Variants in INVS observed in about 807,000 individuals in gnomAD.
The protein encoded by INVS is inversion of embryo turning homolog.
Under a neutral mutation model 108.8 loss-of-function variants are expected in INVS, and 86 were observed. That is an observed-to-expected ratio of 0.79 (90% CI 0.66 to 0.95). The LOEUF (loss-of-function observed/expected upper bound fraction) is 0.95, where lower values mean the gene tolerates loss of function less well. Among genes scored for constraint, INVS ranks in the 40% least tolerant of loss-of-function variants. The pLI is 0.00. For missense variants in INVS, 1,169 were observed against 1,297.4 expected (o/e 0.90, Z 1.52); for synonymous variants, 455 against 473.5 (o/e 0.96, Z 0.51).
rs775757268 is a variant in INVS at position 100,284,617 on chromosome 9, C to T, written c.2068+14C>T. The T allele has an allele frequency of 6.2e-7, 1 of 1,611,204 alleles. No homozygotes were observed. The highest frequency in any genetic ancestry group is 1.3e-5 in the African/African-American group (1 of 74,996). On this transcript the variant is annotated intron_variant, in intron 13 of 16. Transcript: ENST00000262457. ...GAAGGCCAAATGGTAGGTGTATTGC[C>T]TTTGTCATCTTCTGCCGGCCCATGG...
chr9:100,301,439 G>C lies in INVS; in HGVS notation c.*765G>C, dbSNP rs966244658. Among the ~76,000 whole-genome samples, 1 of 152,164 alleles carries C rather than the reference G, an allele frequency of 6.6e-6. No homozygotes were observed. On this transcript the variant is annotated 3_prime_UTR_variant, in exon 17 of 17. Coordinates refer to ENST00000262457, the MANE Select transcript of INVS (RefSeq NM_014425.5). The stretch of plus-strand genomic sequence containing the variant: ...TCAGGTAGGGTTTACAGACCAGACT[G>C]TTCATGCAGCAAGGTGCTAACTCAG...
At chr9:100,124,532 A>G (rs1827824950) in intron 2 of INVS, among the ~76,000 whole-genome samples, 1 of 147,290 alleles carries the variant, frequency 6.8e-6, no homozygotes, top group Admixed American at 6.7e-5. Flanking sequence ...TGGGCAACAC[A>G]GTGAGACCCT....
At chr9:100,113,345 T>A (rs551555644) in intron 2 of INVS, among the ~76,000 whole-genome samples, 1 of 152,268 alleles carries the variant, frequency 6.6e-6, no homozygotes, top group African/African-American at 2.4e-5. Context: ...CCTCTAGGAG[T>A]TACACACAAC....
At chr9:100,184,323 G>T (rs1829991553) in intron 3 of INVS, among the ~76,000 whole-genome samples, 1 of 152,080 alleles carries the variant, frequency 6.6e-6, no homozygotes. Flanking sequence ...CAAAGTTATT[G>T]GATGTAGTTG....
chr9:100,152,378 T>C (rs190766351), intron 3 of INVS, among the ~76,000 whole-genome samples: 2 of 152,322 alleles, frequency 1.3e-5, no homozygotes, highest in Non-Finnish European at 2.9e-5. Context: ...TCACCAAGAT[T>C]CTCATCCTAA....
chr9:100,107,498 A>G (rs1258377501), intron 2 of INVS, among the ~76,000 whole-genome samples: 1 of 151,970 alleles, frequency 6.6e-6, no homozygotes, highest in Non-Finnish European at 1.5e-5. Flanking sequence ...CTCACGTTTT[A>G]CCTCACGTGG....
At chr9:100,177,957 A>C (rs1829768869) in intron 3 of INVS, among the ~76,000 whole-genome samples, 1 of 152,242 alleles carries the variant, frequency 6.6e-6, no homozygotes, top group Non-Finnish European at 1.5e-5. Context: ...GCTGTTCTGC[A>C]GTCTTTGCTG....
At chr9:100,293,570 T>A (rs1428002113) in intron 14 of INVS, among the ~76,000 whole-genome samples, 1 of 152,216 alleles carries the variant, frequency 6.6e-6, no homozygotes, top group African/African-American at 2.4e-5. Context: ...AGGGTCTGGA[T>A]ATAACAGATT....
In INVS at chr9:100,208,179, A is replaced by G. The variant is rs535732339; in HGVS notation, c.274-17883A>G. Among the ~76,000 whole-genome samples the G allele has an allele frequency of 3.3e-5, 5 of 152,356 alleles. No individual in the cohort carries two copies. The South Asian group carries it at 1.0e-3, about 32-fold the overall frequency. On this transcript the variant is annotated intron_variant, in intron 3 of 16. Transcript: ENST00000262457. ...GTGGCAGACAGATGAAGAGCAGTAT[A>G]GAGTTCAGGGATTGACTTGCAGATG...
intron 16 of INVS, among the ~76,000 whole-genome samples, chr9:100,299,555 AACACACACACACACACACAC>A (rs55800849): frequency 1.6e-5 from 2 of 125,640 alleles, no homozygotes; most frequent in East Asian, 2.0e-4. Context: ...ATTGACACAC[AACACACACACACACACACAC>A]ACACACACAC....
At chr9:100,171,808 CTCT>C (rs1163695673) in intron 3 of INVS, among the ~76,000 whole-genome samples, 3 of 152,216 alleles carry the variant, frequency 2.0e-5, no homozygotes, top group African/African-American at 7.2e-5. Context: ...TCTTTCTTTT[CTCT>C]GATGTATATC....
At chr9:100,237,472 T>C (rs1339141416) in intron 5 of INVS, among the ~76,000 whole-genome samples, 1 of 152,150 alleles carries the variant, frequency 6.6e-6, no homozygotes, top group Non-Finnish European at 1.5e-5. Context: ...GCTTGAAACC[T>C]AGGGCCCTGG....
chr9:100,265,712 A>T (rs953305845), intron 11 of INVS, among the ~76,000 whole-genome samples: 1 of 152,248 alleles, frequency 6.6e-6, no homozygotes, highest in African/African-American at 2.4e-5. Flanking sequence ...ATCTAAATGC[A>T]GATTGCATGA....
At chr9:100,241,891 C>T (rs952899248) in intron 6 of INVS, among the ~76,000 whole-genome samples, 3 of 152,160 alleles carry the variant, frequency 2.0e-5, no homozygotes, top group East Asian at 1.9e-4. Context: ...AGGTTTCCTA[C>T]GTATGCTACT....
chr9:100,301,281 A>G lies in INVS; in HGVS notation c.*607A>G, dbSNP rs1278103040. 5.3e-5 allele frequency among the ~76,000 whole-genome samples: 8 copies of G among 152,178 alleles called. No individual in the cohort carries two copies. The highest frequency in any genetic ancestry group is 1.7e-4 in the African/African-American group (7 of 41,438). On this transcript the variant is annotated 3_prime_UTR_variant, in exon 17 of 17. Transcript: ENST00000262457. ...AGAAATTGTCCAAAAGACCATAGATACATTCTGGTGATTCCTTACATTTTA... is the reference window on the plus strand; with the variant it reads ...AGAAATTGTCCAAAAGACCATAGATGCATTCTGGTGATTCCTTACATTTTA...
chr9:100,190,028 A>C (rs1273215035), intron 3 of INVS, among the ~76,000 whole-genome samples: 2 of 151,938 alleles, frequency 1.3e-5, no homozygotes, highest in Non-Finnish European at 2.9e-5. Flanking sequence ...CCCCACTATT[A>C]TTGTGTTTCT....
intron 3 of INVS, among the ~76,000 whole-genome samples, chr9:100,215,982 A>C (rs1168271083): frequency 1.3e-5 from 2 of 152,276 alleles, no homozygotes; most frequent in Non-Finnish European, 1.5e-5. Flanking sequence ...TGCCTTATCT[A>C]GTGCAGTGAT....
At chr9:100,237,311 C>G (rs529841476) in intron 5 of INVS, among the ~76,000 whole-genome samples, 1 of 152,242 alleles carries the variant, frequency 6.6e-6, no homozygotes, top group East Asian at 1.9e-4. Context: ...AGGTGGGACC[C>G]ACTGAGCAAA....
At chr9:100,134,039 G>A (rs565251145) in intron 3 of INVS, among the ~76,000 whole-genome samples, 5 of 152,070 alleles carry the variant, frequency 3.3e-5, no homozygotes, top group Admixed American at 6.6e-5. Flanking sequence ...TACACCCATC[G>A]CCCGAGCAGT....
Sources: allele counts gnomAD v4.1 joint callset (sites outside exome capture counted in the v4.1 genomes callset), GRCh38; gene constraint gnomAD v4.1.1; transcripts MANE v1.5; gene names NCBI Gene and HGNC (gene_info 2026-07-23, HGNC 2026-07-21).